ZNF317: variants seen among roughly 807,000 people sequenced by gnomAD.
ZNF317 encodes the protein KRAB-containing zinc finger protein 317.
In ZNF317, 17 loss-of-function variants were observed where a neutral mutation model predicts 23.4. The ratio of observed to expected loss-of-function variants is 0.73; its 90% CI spans 0.50 to 1.09. The LOEUF (loss-of-function observed/expected upper bound fraction) is 1.09, where lower values mean the gene tolerates loss of function less well. Ranked by LOEUF, ZNF317 falls within the 50% of genes least tolerant of loss-of-function variation. The probability of loss-of-function intolerance (pLI) is 0.00; values close to 1 mark genes in which losing one functional copy is unlikely to be tolerated. For missense variants in ZNF317, 679 were observed against 796.7 expected (o/e 0.85, Z 1.78); for synonymous variants, 317 against 314.9 (o/e 1.01, Z -0.07).
chr19:9,158,029 G>A lies in ZNF317; in HGVS notation c.339G>A (p.Glu113=). Reference sequence around the variant, plus strand: ...TCATCTCACACTTGGAGCAGGAGGAGGAGCCGAGGACAGAGGAGAGGGGCG... The same window carrying A: ...TCATCTCACACTTGGAGCAGGAGGAAGAGCCGAGGACAGAGGAGAGGGGCG... ...PSLISHLEQE[E]EPRTEERGAH... Residue 113 remains glutamate (E), a synonymous_variant, in exon 5 of 7, where the codon GAG becomes GAA. Transcript: ENST00000247956. The A allele has an allele frequency of 1.3e-6, 2 of 1,551,464 alleles. No homozygotes were observed. The highest frequency in any genetic ancestry group is 4.9e-5 in the East Asian group (2 of 40,914).
intron 1 of ZNF317, among the ~76,000 whole-genome samples, chr19:9,142,868 C>A (rs1419679293): frequency 1.3e-5 from 2 of 152,076 alleles, no homozygotes; most frequent in African/African-American, 4.8e-5. Context: ...TGGATCTATG[C>A]TTGAGTGAAA....
In ZNF317 at chr19:9,155,989, C is replaced by T. The variant is rs1233258958; in HGVS notation, c.-28C>T. 1 of 1,614,166 alleles carries T rather than the reference C, an allele frequency of 6.2e-7. No homozygotes were observed. Among genetic ancestry groups the T allele is most frequent in the Non-Finnish European group, 8.5e-7 (1 of 1,180,018 alleles). On this transcript the variant is annotated 5_prime_UTR_variant, in exon 2 of 7. It introduces an in-frame stop codon into an upstream open reading frame of the 5' UTR. Transcript: ENST00000247956. ...TTTCTGGTTGTCCTGGTGCCCTGCT[C>T]AGGCAAACTGACTGCCATTCTCTGA... is the stretch of plus-strand genomic sequence containing the variant.
Position 9,160,926 on chromosome 19 carries a change from C to A in ZNF317, c.1281C>A (p.Phe427Leu). The change falls in exon 7 of 7, where the codon TTC becomes TTA. Residue 427 changes from phenylalanine to leucine, a missense_variant. Transcript: ENST00000247956. This position sits in a 1 kb window ranked among gnomAD's most constrained non-coding sequence, Gnocchi z 6.8. ...AATGTCGGCAGTGCGGGAAGACCTT[C>A]CGAAACCAGTCCATCCTTAAGACTC... ...PVECRQCGKT[F>L]RNQSILKTHM... is the part of the protein sequence containing the mutation. 1 of 1,614,210 alleles carries A rather than the reference C, an allele frequency of 6.2e-7. No individual in the cohort carries two copies. Among genetic ancestry groups the A allele is most frequent in the African/African-American group, 1.3e-5 (1 of 75,046 alleles).
chr19:9,142,324 TTTG>T (rs1199982107), intron 1 of ZNF317, among the ~76,000 whole-genome samples: 1 of 152,156 alleles, frequency 6.6e-6, no homozygotes, highest in Non-Finnish European at 1.5e-5. Flanking sequence ...TGTTTGTTTG[TTTG>T]TTTTTTGTGC....
At chr19:9,148,736 G>T (rs1405096132) in intron 1 of ZNF317, among the ~76,000 whole-genome samples, 1 of 152,148 alleles carries the variant, frequency 6.6e-6, no homozygotes, top group Non-Finnish European at 1.5e-5. Flanking sequence ...TTCTAGTTGG[G>T]CATACAGGAA....
Position 9,162,809 on chromosome 19 carries a change from T to C in ZNF317, c.*1376T>C, listed in dbSNP as rs2050874113. ...CCTTGACCAATGGCATATTGAGATC[T>C]ATGTGACATGAGGATATTTCTCAGT... On this transcript the variant is annotated 3_prime_UTR_variant, in exon 7 of 7. Coordinates refer to ENST00000247956, the MANE Select transcript of ZNF317 (RefSeq NM_020933.5). The C allele has an allele frequency of 1.3e-5, 2 of 152,250 alleles. No homozygotes were observed. 9.4% of individuals were successfully genotyped at this position (152,250 alleles called of 1,614,324 possible).
intron 6 of ZNF317, among the ~76,000 whole-genome samples, chr19:9,159,890 C>T (rs1019999533): frequency 1.3e-5 from 2 of 152,194 alleles, no homozygotes; most frequent in Admixed American, 6.5e-5. Context: ...ATGCAAAAAG[C>T]TTTGAAAAAG....
In ZNF317 at chr19:9,161,568, A is replaced by G; in HGVS notation, c.*135A>G. On this transcript the variant is annotated 3_prime_UTR_variant, in exon 7 of 7. Transcript: ENST00000247956. The surrounding 1 kb of genome is among the most constrained non-coding windows in gnomAD (Gnocchi z 4.0). The stretch of plus-strand genomic sequence containing the variant: ...AACTTGGGAGAAGTCCAGTTCCTGT[A>G]AAAACTGGGAAGACGAGGCGTTCTC... 4 of 1,359,778 alleles carry G rather than the reference A, an allele frequency of 2.9e-6. No homozygotes were observed. The highest frequency in any genetic ancestry group is 4.0e-6 in the Non-Finnish European group (4 of 1,006,690). 84.2% of individuals were successfully genotyped at this position (1,359,778 alleles called of 1,614,324 possible). A position where few individuals can be genotyped will look rare whatever the true frequency, so the allele number is the denominator to read the frequency against.
chr19:9,154,845 G>A (rs2050768838), intron 1 of ZNF317, among the ~76,000 whole-genome samples: 1 of 152,160 alleles, frequency 6.6e-6, no homozygotes, highest in East Asian at 1.9e-4. Flanking sequence ...GATATGAGAG[G>A]TGCCAGTGTG....
intron 3 of ZNF317, 135 bp from the exon 4 acceptor site, chr19:9,157,133 A>G: frequency 9.2e-7 from 1 of 1,085,854 alleles, no homozygotes; most frequent in Non-Finnish European, 1.3e-6. Context: ...GCCTGGAGGA[A>G]ATGTTGAGCC....
chr19:9,158,565 CTG>C (rs1262358642), intron 5 of ZNF317, among the ~76,000 whole-genome samples: 1 of 151,744 alleles, frequency 6.6e-6, no homozygotes, highest in Non-Finnish European at 1.5e-5. Context: ...TCTCGAACAC[CTG>C]ACCTCAGGTG....
intron 2 of ZNF317, among the ~76,000 whole-genome samples, chr19:9,156,380 G>A (rs2050782746): frequency 6.6e-6 from 1 of 152,188 alleles, no homozygotes; most frequent in Non-Finnish European, 1.5e-5. Flanking sequence ...TTGGAACTAT[G>A]TCACTTCTTA....
At position 9,161,242 on chromosome 19, in the gene ZNF317, G is replaced by A. The variant is rs758187060; in HGVS notation, c.1597G>A (p.Asp533Asn). The change falls in exon 7 of 7, where the codon GAT (aspartate) becomes AAT (asparagine). Residue 533 changes from aspartate to asparagine, a missense_variant. Coordinates refer to ENST00000247956, the MANE Select transcript of ZNF317 (RefSeq NM_020933.5). The surrounding 1 kb of genome is among the most constrained non-coding windows in gnomAD (Gnocchi z 4.0). ...CACGGGGGAGAAACCGTACGAATGC[G>A]ATCACTGTGGGAAGGCCTTCAGCAT... is the stretch of plus-strand genomic sequence containing the variant. ...SHTGEKPYEC[D>N]HCGKAFSIGS... 35 of 1,613,972 alleles carry A rather than the reference G, an allele frequency of 2.2e-5. No individual in the cohort carries two copies. In the Middle Eastern group the frequency reaches 8.2e-4, roughly 38 times the overall value.
intron 1 of ZNF317, among the ~76,000 whole-genome samples, chr19:9,152,997 C>A (rs147847543): frequency 6.6e-6 from 1 of 152,298 alleles, no homozygotes; most frequent in African/African-American, 2.4e-5. Flanking sequence ...GTTAGTAATT[C>A]TAGCTGTAGT....
intron 1 of ZNF317, among the ~76,000 whole-genome samples, chr19:9,151,612 T>G (rs990247958): frequency 6.6e-6 from 1 of 152,074 alleles, no homozygotes; most frequent in African/African-American, 2.4e-5. Context: ...ACCTCACCAA[T>G]GTATTGTGGT....
At position 9,161,334 on chromosome 19, in the gene ZNF317, CG is replaced by C; in HGVS notation, c.1692del (p.Ala566ProfsTer12). On this transcript the variant is annotated frameshift_variant, in exon 7 of 7. Coordinates refer to ENST00000247956, the MANE Select transcript of ZNF317 (RefSeq NM_020933.5). LOFTEE classifies it low-confidence loss of function (END_TRUNC). This position sits in a 1 kb window ranked among gnomAD's most constrained non-coding sequence, Gnocchi z 4.0. ...AGAAGCCCTACGAATGCCTTGTCTGCGGGAAAGCCTTCAGCGACCACTCATC... is the reference window on the plus strand; with the variant it reads ...AGAAGCCCTACGAATGCCTTGTCTGCGGAAAGCCTTCAGCGACCACTCATC... ...GEKPYECLVC[G>X]KAFSDHSSLR... The C allele has an allele frequency of 6.2e-7, 1 of 1,614,146 alleles. No homozygotes were observed. The highest frequency in any genetic ancestry group is 8.5e-7 in the Non-Finnish European group (1 of 1,180,038).
chr19:9,157,143 C>A, intron 3 of ZNF317, 125 bp from the exon 4 acceptor site: 1 of 1,201,938 alleles, frequency 8.3e-7, no homozygotes, highest in Non-Finnish European at 1.2e-6. Flanking sequence ...AATGTTGAGC[C>A]CCGTAGCAGG....
intron 1 of ZNF317, among the ~76,000 whole-genome samples, chr19:9,143,891 TTC>T (rs1333282483): frequency 6.6e-6 from 1 of 151,680 alleles, no homozygotes; most frequent in Non-Finnish European, 1.5e-5. Flanking sequence ...CCTTAATCTA[TTC>T]TGTCTGATAC....
rs11543150 is a variant in ZNF317 at position 9,162,139 on chromosome 19, C to G, written c.*706C>G. The G allele has an allele frequency of 0.098, 14,907 of 152,104 alleles. 876 individuals carry two copies. Among genetic ancestry groups the G allele is most frequent in the African/African-American group, 0.17 (7,013 of 41,474 alleles). 9.4% of individuals were successfully genotyped at this position (152,104 alleles called of 1,614,324 possible). A position where few individuals can be genotyped will look rare whatever the true frequency, so the allele number is the denominator to read the frequency against. On this transcript the variant is annotated 3_prime_UTR_variant, in exon 7 of 7. Coordinates refer to ENST00000247956, the MANE Select transcript of ZNF317 (RefSeq NM_020933.5). ...CTCAGTCGGGCGACGATTTGGCTGTCTAGGCGTCATTTGGCAATGTCTAGA... is the reference window on the plus strand; with the variant it reads ...CTCAGTCGGGCGACGATTTGGCTGTGTAGGCGTCATTTGGCAATGTCTAGA...
Sources: gnomAD v4.1 joint callset for allele counts (sites outside exome capture counted in the v4.1 genomes callset) on GRCh38, gnomAD v4.1.1 for gene constraint, Gnocchi (gnomAD v3.1) non-coding constraint, MANE v1.5 for transcripts, NCBI Gene and HGNC (gene_info 2026-07-23, HGNC 2026-07-21) for gene names.